Variants in KCNA3 observed in about 807,000 individuals in gnomAD.
KCNA3 encodes the protein potassium voltage-gated channel subfamily A member 3, also known as RP11-284N8.3.
In KCNA3, 18 loss-of-function variants were observed where a neutral mutation model predicts 34.3. The ratio of observed to expected loss-of-function variants is 0.52; its 90% confidence interval spans 0.36 to 0.78. The LOEUF (loss-of-function observed/expected upper bound fraction) is 0.78. Ranked by LOEUF, KCNA3 falls within the 30% of genes least tolerant of loss-of-function variation. The pLI is 0.00. For synonymous variants in KCNA3, 324 were observed against 351.7 expected (o/e 0.92, Z 0.88); for missense variants, 587 against 802.5 (o/e 0.73, Z 3.24).
At chr1:110,653,834 A>C in the KCNA3 span, 1 of 152,252 alleles carries the variant, frequency 6.6e-6, no homozygotes, top group Non-Finnish European at 1.5e-5. Flanking sequence ...TTGATTTTAC[A>C]TCGTATTCAG....
At chr1:110,659,270 T>G in the KCNA3 span, among the ~76,000 whole-genome samples, 1 of 152,098 alleles carries the variant, frequency 6.6e-6, no homozygotes, top group Admixed American at 6.5e-5. Flanking sequence ...TTTGGATGAT[T>G]CGATTTCATC....
rs1368141398 is a variant in KCNA3, at chr1:110,673,526, G to A, written c.1284C>T (p.Phe428=). 4 of 1,614,082 alleles carry A rather than the reference G, an allele frequency of 2.5e-6. No homozygotes were observed. In the East Asian group the frequency reaches 6.7e-5, roughly 27 times the overall value. The change falls in exon 1 of 1, where the codon TTC becomes TTT. Residue 428 remains phenylalanine (F), a synonymous_variant. Transcript: ENST00000369769. The surrounding 1 kb of genome is among the most constrained non-coding windows in gnomAD (Gnocchi z 8.8). ...ACCAGAAGGCATCCGGGATGCTGCTGAAACCTGAAGTGGGGTCGTCTGCCT... is the reference window on the plus strand; with the variant it reads ...ACCAGAAGGCATCCGGGATGCTGCTAAAACCTGAAGTGGGGTCGTCTGCCT... ...FAEADDPTSG[F]SSIPDAFWWA...
the KCNA3 span, among the ~76,000 whole-genome samples, chr1:110,659,351 AT>A: frequency 6.6e-6 from 1 of 152,194 alleles, no homozygotes; most frequent in Non-Finnish European, 1.5e-5. Flanking sequence ...AATGTCTTTT[AT>A]ATGCACGCAT....
chr1:110,654,286 G>A, the KCNA3 span: 1 of 152,126 alleles, frequency 6.6e-6, no homozygotes, highest in African/African-American at 2.4e-5. Flanking sequence ...ACAGGAAAAT[G>A]AGCTTTCTTA....
the KCNA3 span, chr1:110,655,304 C>A: frequency 6.6e-6 from 1 of 152,014 alleles, no homozygotes; most frequent in African/African-American, 2.4e-5. Flanking sequence ...AATTTTATGG[C>A]ATTTAAGAAA....
Position 110,674,215 on chromosome 1 carries a change from C to A in KCNA3, c.595G>T (p.Glu199Ter). Residue 199 changes from glutamate to a stop codon, truncating the protein, a stop_gained, in exon 1 of 1, where the codon GAG becomes TAG. Transcript: ENST00000369769. LOFTEE classifies it high-confidence loss of function. The surrounding 1 kb of genome is among the most constrained non-coding windows in gnomAD (Gnocchi z 6.4). The part of the protein sequence containing the change: ...LGEEAMEKFR[E>*]DEGFLREEER... ...TCCTCCCGCAGGAAGCCCTCGTCCT[C>A]GCGGAACTTCTCCATGGCCTCCTCG... 6.2e-7 allele frequency: 1 copy of A among 1,613,476 alleles called. No homozygotes were observed. Among genetic ancestry groups the A allele is most frequent in the Non-Finnish European group, 8.5e-7 (1 of 1,179,588 alleles).
At chr1:110,653,996 C>T in the KCNA3 span, 1 of 152,070 alleles carries the variant, frequency 6.6e-6, no homozygotes, top group Non-Finnish European at 1.5e-5. Context: ...CATTGCATTG[C>T]TAATCAGTAA....
chr1:110,662,073 A>T, the KCNA3 span, among the ~76,000 whole-genome samples: 2 of 138,166 alleles, frequency 1.4e-5, no homozygotes, highest in African/African-American at 2.7e-5. Flanking sequence ...AGACGGTGCC[A>T]CTGCACTCCA....
At chr1:110,664,209 G>A in the KCNA3 span, among the ~76,000 whole-genome samples, 1 of 152,170 alleles carries the variant, frequency 6.6e-6, no homozygotes, top group African/African-American at 2.4e-5. Context: ...TTGCTGTGCT[G>A]TCCTGGTCAA....
At position 110,673,228 on chromosome 1, in the gene KCNA3, C is replaced by A; in HGVS notation, c.1582G>T (p.Glu528Ter). 1 of 1,614,122 alleles carries A rather than the reference C, an allele frequency of 6.2e-7. No homozygotes were observed. Among genetic ancestry groups the A allele is most frequent in the Non-Finnish European group, 8.5e-7 (1 of 1,180,038 alleles). Residue 528 changes from glutamate to a stop codon, truncating the protein, a stop_gained, in exon 1 of 1, where the codon GAG (glutamate) becomes TAG (stop). Coordinates refer to ENST00000369769, the MANE Select transcript of KCNA3 (RefSeq NM_002232.5). LOFTEE classifies it high-confidence loss of function. This position sits in a 1 kb window ranked among gnomAD's most constrained non-coding sequence, Gnocchi z 8.8. ...ARSNSTLSKS[E>*]YMVIEEGGMN... ...CCCCCCTCTTCGATCACCATATACT[C>A]CGACTTACTCAGAGTCGAGTTACTC...
At chr1:110,661,358 C>A in the KCNA3 span, among the ~76,000 whole-genome samples, 1 of 152,194 alleles carries the variant, frequency 6.6e-6, no homozygotes, top group African/African-American at 2.4e-5. Flanking sequence ...CTTGATCTCG[C>A]AGACAGATCA....
the KCNA3 span, among the ~76,000 whole-genome samples, chr1:110,660,491 T>TG: frequency 8.9e-3 from 1,360 of 152,150 alleles, 21 homozygotes; most frequent in African/African-American, 0.031. Context: ...AATCCAACGC[T>TG]AAGTGTCATG....
At chr1:110,659,863 C>T in the KCNA3 span, among the ~76,000 whole-genome samples, 13 of 144,200 alleles carry the variant, frequency 9.0e-5, no homozygotes, top group African/African-American at 2.6e-4. Flanking sequence ...CATGTTCTCA[C>T]TTACAGGTGG....
chr1:110,673,224 T>C lies in KCNA3; in HGVS notation c.1586A>G (p.Tyr529Cys). ...CATACCCCCCTCTTCGATCACCATATACTCCGACTTACTCAGAGTCGAGTT... is the reference window on the plus strand; with the variant it reads ...CATACCCCCCTCTTCGATCACCATACACTCCGACTTACTCAGAGTCGAGTT... The part of the protein sequence containing the change: ...RSNSTLSKSE[Y>C]MVIEEGGMNH... The change falls in exon 1 of 1, where the codon TAT (tyrosine) becomes TGT (cysteine). Residue 529 changes from tyrosine (Y) to cysteine (C), a missense_variant. This residue lies in a region of KCNA3 where 95 missense variants were observed against 107.3 expected (regional missense o/e 0.89). Transcript: ENST00000369769. The surrounding 1 kb of genome is among the most constrained non-coding windows in gnomAD (Gnocchi z 8.8). The C allele has an allele frequency of 6.2e-7, 1 of 1,614,146 alleles. No individual in the cohort carries two copies. The highest frequency in any genetic ancestry group is 8.5e-7 in the Non-Finnish European group (1 of 1,180,022).
chr1:110,657,753 C>T, the KCNA3 span, among the ~76,000 whole-genome samples: 18 of 152,290 alleles, frequency 1.2e-4, no homozygotes, highest in Admixed American at 2.0e-4. Flanking sequence ...ATTTTTGTAA[C>T]ACCTACTGAT....
In KCNA3 at chr1:110,674,811, C is replaced by T. The variant is rs1326642027; in HGVS notation, c.-2G>A. The T allele has an allele frequency of 3.8e-6, 5 of 1,307,616 alleles. 1 individual carries two copies. Among genetic ancestry groups the T allele is most frequent in the East Asian group, 3.1e-5 (1 of 31,764 alleles). 81.0% of individuals were successfully genotyped at this position (1,307,616 alleles called of 1,614,324 possible). On this transcript the variant is annotated 5_prime_UTR_variant, in exon 1 of 1. Transcript: ENST00000369769. This position sits in a 1 kb window ranked among gnomAD's most constrained non-coding sequence, Gnocchi z 6.4. Reference sequence around the variant, plus strand: ...CAGAAGGCTGAGGCGCTCGTCCATGCGGCGGGGAAGAGGCGGCAGCGGTGA... The same window carrying T: ...CAGAAGGCTGAGGCGCTCGTCCATGTGGCGGGGAAGAGGCGGCAGCGGTGA...
chr1:110,654,215 G>A, the KCNA3 span: 1 of 152,084 alleles, frequency 6.6e-6, no homozygotes, highest in Non-Finnish European at 1.5e-5. Context: ...ATATTTGAAT[G>A]ATGATAAATG....
the KCNA3 span, among the ~76,000 whole-genome samples, chr1:110,661,611 A>G: frequency 6.6e-6 from 1 of 152,146 alleles, no homozygotes; most frequent in Non-Finnish European, 1.5e-5. Context: ...AGTCTGCATT[A>G]AGCTATTCTT....
chr1:110,654,528 T>A, the KCNA3 span: 1 of 152,128 alleles, frequency 6.6e-6, no homozygotes, highest in Non-Finnish European at 1.5e-5. Flanking sequence ...GTCAAGAAGA[T>A]CAACTTTTAG....
Sources: gnomAD v4.1 joint callset for allele counts (sites outside exome capture counted in the v4.1 genomes callset) on GRCh38, gnomAD v4.1.1 for gene constraint, gnomAD v4.1.1 regional missense constraint, Gnocchi (gnomAD v3.1) non-coding constraint, MANE v1.5 for transcripts, NCBI Gene and HGNC (gene_info 2026-07-23, HGNC 2026-07-21) for gene names.